The following CPAMD8 variants were observed in gnomAD, a reference collection of about 807,000 sequenced individuals.
CPAMD8 encodes C3 and PZP-like alpha-2-macroglobulin domain-containing protein 8.
In CPAMD8, 146 loss-of-function variants were observed where a neutral mutation model predicts 224.7. The observed-to-expected ratio is 0.65, with a 90% CI of 0.57 to 0.75. The LOEUF (loss-of-function observed/expected upper bound fraction) is 0.75. Ranked by LOEUF, CPAMD8 falls within the 30% of genes least tolerant of loss-of-function variation. The probability of loss-of-function intolerance (pLI) is 0.00; values close to 1 mark genes in which losing one functional copy is unlikely to be tolerated. For missense variants in CPAMD8, 2,301 were observed against 2,537.5 expected, an observed-to-expected ratio of 0.91 and a Z score of 2.00; for synonymous variants, 966 against 1,044.6, an observed-to-expected ratio of 0.92 and a Z score of 1.45.
intron 39 of CPAMD8, 100 bp downstream of exon 39, chr19:16,897,591 C>T: frequency 4.6e-6 from 3 of 657,190 alleles, no homozygotes; most frequent in South Asian, 4.0e-5. Context: ...GTTGGCCCCT[C>T]CTCTGCCAAG....
rs370170132 is a variant in CPAMD8 at position 16,897,876 on chromosome 19, C to G, written c.4954+13G>C. ...GACCGGGCCGGGCCGGGGGTGCGGGCGCGCGGGCCTACCGGGTTCGTAGTA... is the reference window on the plus strand; with the variant it reads ...GACCGGGCCGGGCCGGGGGTGCGGGGGCGCGGGCCTACCGGGTTCGTAGTA... On this transcript the variant is annotated intron_variant, in intron 38 of 41. Transcript: ENST00000443236. The G allele has an allele frequency of 1.3e-6, 2 of 1,597,714 alleles. No homozygotes were observed. Among genetic ancestry groups the G allele is most frequent in the Non-Finnish European group, 1.7e-6 (2 of 1,172,670 alleles).
intron 41 of CPAMD8, chr19:16,895,879 C>A (rs200863824): frequency 3.6e-6 from 2 of 549,182 alleles, no homozygotes; most frequent in Non-Finnish European, 6.9e-6. Context: ...GATCCTTGAC[C>A]CGTATGCGCG....
chr19:17,009,061 C>T (rs2056575288), intron 6 of CPAMD8: 1 of 548,892 alleles, frequency 1.8e-6, no homozygotes, highest in African/African-American at 1.9e-5. Context: ...AGCACCACTG[C>T]AATCCAGCCT....
intron 18 of CPAMD8, among the ~76,000 whole-genome samples, chr19:16,959,943 TC>T (rs1354525143): frequency 1.3e-5 from 2 of 152,180 alleles, no homozygotes; most frequent in African/African-American, 4.8e-5. Context: ...AAGCAAGGTA[TC>T]AAAGGCTTGG....
chr19:16,897,948 T>G lies in CPAMD8; in HGVS notation c.4895A>C (p.Glu1632Ala), dbSNP rs1568446873. 2 of 1,610,890 alleles carry G rather than the reference T, an allele frequency of 1.2e-6. No homozygotes were observed. The highest frequency in any genetic ancestry group is 2.7e-5 in the African/African-American group (2 of 74,744). ...LTCVRFRALR[E>A]CVVGRTSALP... Reference sequence around the variant, plus strand: ...CGCCGACGTCCTGCCCACCACGCACTCCCGGAGAGCACGGAACCGCACGCA... The same window carrying G: ...CGCCGACGTCCTGCCCACCACGCACGCCCGGAGAGCACGGAACCGCACGCA... The change falls in exon 38 of 42, where the codon GAG becomes GCG. Residue 1632 changes from glutamate (E) to alanine (A), a missense_variant. Glu to Ala is a moderately radical substitution (Grantham distance 107). Around this residue, in one of 4 missense-constraint regions of CPAMD8, gnomAD observed 1,709 missense variants for 1,753.2 expected, o/e 0.97. Coordinates refer to ENST00000443236, the MANE Select transcript of CPAMD8 (RefSeq NM_015692.5).
chr19:17,008,529 T>C lies in CPAMD8; in HGVS notation c.535A>G (p.Arg179Gly), dbSNP rs1158567103. 6.2e-7 allele frequency: 1 copy of C among 1,613,520 alleles called. No homozygotes were observed. Among genetic ancestry groups the C allele is most frequent in the Non-Finnish European group, 8.5e-7 (1 of 1,180,002 alleles). The part of the protein sequence containing the change: ...DPRGSRMIEW[R>G]HLKPFCCGIT... The stretch of plus-strand genomic sequence containing the variant: ...CCGCAGCAGAACGGCTTTAAGTGTC[T>C]CCACTCTATCATCCGAGAGCCTCGG... The change falls in exon 7 of 42, where the codon AGA becomes GGA. Residue 179 changes from arginine to glycine, a missense_variant. Arg to Gly is a moderately radical substitution (Grantham distance 125). This residue lies in a region of CPAMD8 where 283 missense variants were observed against 340.6 expected (regional missense o/e 0.83). Transcript: ENST00000443236.
In CPAMD8 at chr19:16,903,766, T is replaced by A. The variant is rs1356541929; in HGVS notation, c.4343A>T (p.Asn1448Ile). 1 of 1,614,132 alleles carries A rather than the reference T, an allele frequency of 6.2e-7. No individual in the cohort carries two copies. The highest frequency in any genetic ancestry group is 1.7e-5 in the Admixed American group (1 of 60,024). The stretch of plus-strand genomic sequence containing the variant: ...CTCGAAGGTTTCCTGGTAGTCCAGG[T>A]TGGTGGAGGCCAGGGAGACAGTGAG... ...INLTVSLAST[N>I]LDYQETFELH... is the part of the protein sequence containing the mutation. Residue 1448 changes from asparagine to isoleucine, a missense_variant, in exon 33 of 42, where the codon AAC becomes ATC. Asn to Ile is a moderately radical substitution (Grantham distance 149). Transcript: ENST00000443236.
At chr19:16,921,464 C>G (rs114548093) in intron 27 of CPAMD8, among the ~76,000 whole-genome samples, 7 of 152,050 alleles carry the variant, frequency 4.6e-5, no homozygotes, top group Non-Finnish European at 1.0e-4. Context: ...GGTCTCCTCC[C>G]TGCAGTTACC....
chr19:16,900,474 T>G (rs905571558), intron 36 of CPAMD8, among the ~76,000 whole-genome samples: 1 of 152,068 alleles, frequency 6.6e-6, no homozygotes, highest in African/African-American at 2.4e-5. Context: ...GGTGCATGCC[T>G]GTAATCCCAG....
chr19:16,954,042 C>A (rs2054383218), intron 19 of CPAMD8, among the ~76,000 whole-genome samples: 1 of 152,132 alleles, frequency 6.6e-6, no homozygotes, highest in Non-Finnish European at 1.5e-5. Context: ...GGGTGGATCA[C>A]TTGAGGTCAG....
chr19:16,921,272 C>A (rs1371157363), intron 27 of CPAMD8, among the ~76,000 whole-genome samples: 2 of 152,160 alleles, frequency 1.3e-5, no homozygotes, highest in African/African-American at 4.8e-5. Context: ...ACGCTCACAG[C>A]TGCTGTCGGC....
At chr19:17,023,920 A>G (rs1225332924) in intron 1 of CPAMD8, among the ~76,000 whole-genome samples, 1 of 152,202 alleles carries the variant, frequency 6.6e-6, no homozygotes, top group Non-Finnish European at 1.5e-5. Context: ...ATGCAAAAAG[A>G]TGAATTGAGA....
chr19:17,002,011 G>A (rs746907585), intron 9 of CPAMD8, among the ~76,000 whole-genome samples: 1 of 151,542 alleles, frequency 6.6e-6, no homozygotes, highest in African/African-American at 2.4e-5. Flanking sequence ...CAGGGGAGGA[G>A]CCTGGTGGGG....
intron 17 of CPAMD8, among the ~76,000 whole-genome samples, chr19:16,974,532 G>A (rs1393328373): frequency 1.3e-5 from 2 of 151,908 alleles, no homozygotes; most frequent in African/African-American, 4.8e-5. Flanking sequence ...AGCAAAGCAC[G>A]TCAATGTCAT....
intron 3 of CPAMD8, among the ~76,000 whole-genome samples, chr19:17,014,118 C>T (rs1238949522): frequency 6.6e-6 from 1 of 151,884 alleles, no homozygotes; most frequent in Non-Finnish European, 1.5e-5. Flanking sequence ...ATGGTGCGAT[C>T]AGAGCTCACT....
At chr19:16,962,009 C>T (rs1210119053) in intron 18 of CPAMD8, among the ~76,000 whole-genome samples, 2 of 150,532 alleles carry the variant, frequency 1.3e-5, no homozygotes, top group African/African-American at 2.5e-5. Flanking sequence ...ACAAAAAGGA[C>T]ATCTACACCA....
chr19:17,011,450 G>A lies in CPAMD8; in HGVS notation c.486+14C>T. ...GGTGCACTCCGGGCCCGCGGTTTTA[G>A]AAGCTGATCTCACCTTCTCGTTGAC... On this transcript the variant is annotated intron_variant, in intron 5 of 41. Transcript: ENST00000443236. 1 of 1,614,220 alleles carries A rather than the reference G, an allele frequency of 6.2e-7. No individual in the cohort carries two copies. Among genetic ancestry groups the A allele is most frequent in the African/African-American group, 1.3e-5 (1 of 75,062 alleles).
At chr19:16,894,260 C>A in intron 41 of CPAMD8, 1 of 389,122 alleles carries the variant, frequency 2.6e-6, no homozygotes, top group Middle Eastern at 3.7e-4. Flanking sequence ...GAGTCTCATC[C>A]TAGGGACGGG....
intron 18 of CPAMD8, among the ~76,000 whole-genome samples, chr19:16,958,944 C>A (rs1216026741): frequency 1.3e-5 from 2 of 151,206 alleles, no homozygotes; most frequent in African/African-American, 4.9e-5. Context: ...GGATTACAGG[C>A]GCCTGCCACT....
Sources: gnomAD v4.1 joint callset for allele counts (sites outside exome capture counted in the v4.1 genomes callset) on GRCh38, gnomAD v4.1.1 for gene constraint, gnomAD v4.1.1 regional missense constraint, MANE v1.5 for transcripts, NCBI Gene and HGNC (gene_info 2026-07-23, HGNC 2026-07-21) for gene names.